The following HPF1 variants were observed in gnomAD, a reference collection of about 807,000 sequenced individuals.
HPF1 encodes the protein histone PARylation factor 1.
In HPF1, 35 loss-of-function variants were observed where a neutral mutation model predicts 38.8. The ratio of observed to expected loss-of-function variants is 0.90; its 90% CI spans 0.69 to 1.19. The LOEUF is 1.19. HPF1 is among the 50% of genes most tolerant of loss of function. HPF1 has a pLI of 0.00. For synonymous variants in HPF1, 115 were observed against 139.2 expected, an observed-to-expected ratio of 0.83 and a Z score of 1.22; for missense variants, 367 against 405.8, an observed-to-expected ratio of 0.90 and a Z score of 0.82.
chr4:169,742,606 C>T (rs1394834620), intron 4 of HPF1, among the ~76,000 whole-genome samples: 1 of 152,162 alleles, frequency 6.6e-6, no homozygotes, highest in Non-Finnish European at 1.5e-5. Flanking sequence ...TCCTGGCTAA[C>T]AAGGTGAAAC....
chr4:169,748,600 T>C (rs1734078732), intron 4 of HPF1, 144 bp downstream of exon 4: 3 of 464,604 alleles, frequency 6.5e-6, no homozygotes, highest in Non-Finnish European at 7.8e-6. Context: ...CTCGAACCCC[T>C]GACCTAAGCG....
chr4:169,743,170 C>T (rs868771653), intron 4 of HPF1, among the ~76,000 whole-genome samples: 1 of 151,864 alleles, frequency 6.6e-6, no homozygotes, highest in East Asian at 1.9e-4. Flanking sequence ...AGTGCAGTGG[C>T]AGGGTCTCAG....
At chr4:169,749,173 T>G (rs984510171) in intron 3 of HPF1, among the ~76,000 whole-genome samples, 2 of 152,154 alleles carry the variant, frequency 1.3e-5, no homozygotes, top group Non-Finnish European at 2.9e-5. Flanking sequence ...ATCTGCACAT[T>G]TACATACTGC....
At chr4:169,731,398 T>TC (rs1234244336) in intron 7 of HPF1, among the ~76,000 whole-genome samples, 3 of 152,184 alleles carry the variant, frequency 2.0e-5, no homozygotes, top group African/African-American at 7.2e-5. Flanking sequence ...AGAAGGCATG[T>TC]CCCTATAATG....
chr4:169,741,963 ATC>A lies in HPF1; in HGVS notation c.640_641del (p.Asp214Ter), dbSNP rs770681800. On this transcript the variant is annotated frameshift_variant, in exon 5 of 8. Transcript: ENST00000393381. LOFTEE classifies it high-confidence loss of function. ...CAACAGGTTGAAATCATACTTTCTT[ATC>A]TCTCTGTTTCATCTTCACGGTTCTC... ...EQRTVKMKQR[D>X]KKVVTKTFHG... The A allele has an allele frequency of 1.9e-5, 31 of 1,611,518 alleles. No individual in the cohort carries two copies. In the African/African-American group the frequency reaches 3.9e-4, roughly 20 times the overall value.
At chr4:169,741,788 GTTTCAGTGCCATCCTC>G (rs949990215) in intron 5 of HPF1, among the ~76,000 whole-genome samples, 153 bp downstream of exon 5, 7 of 152,136 alleles carry the variant, frequency 4.6e-5, no homozygotes, top group Admixed American at 6.5e-5. Flanking sequence ...TCTGACCCCT[GTTTCAGTGCCATCCTC>G]TTTCAGTGCC....
intron 5 of HPF1, among the ~76,000 whole-genome samples, chr4:169,738,865 C>A (rs192643938): frequency 1.2e-3 from 182 of 152,246 alleles, no homozygotes; most frequent in African/African-American, 3.4e-3. Flanking sequence ...TGGAACCCAT[C>A]ATTCTCAGCA....
chr4:169,753,535 G>A lies in HPF1; in HGVS notation c.208+141C>T, dbSNP rs951247080. ...TTTTTTGTGGAGGTCTCACTATGTTGACCAGGTTGGTCTCAAACTCCTGGC... is the reference window on the plus strand; with the variant it reads ...TTTTTTGTGGAGGTCTCACTATGTTAACCAGGTTGGTCTCAAACTCCTGGC... On this transcript the variant is annotated intron_variant, in intron 2 of 7. Coordinates refer to ENST00000393381, the MANE Select transcript of HPF1 (RefSeq NM_017867.3). The A allele has an allele frequency of 7.6e-5, 52 of 682,472 alleles. No individual in the cohort carries two copies. In the South Asian group the frequency reaches 9.3e-4, roughly 12 times the overall value. The allele number at this position is 682,472 out of a possible 1,614,324, so 42.3% of individuals were successfully genotyped here. A position where few individuals can be genotyped will look rare whatever the true frequency, so the allele number is the denominator to read the frequency against.
chr4:169,732,439 A>G (rs554616182), intron 6 of HPF1, among the ~76,000 whole-genome samples: 1 of 152,266 alleles, frequency 6.6e-6, no homozygotes, highest in Non-Finnish European at 1.5e-5. Context: ...GGGCCCAGAT[A>G]CAGTCATGAT....
At chr4:169,736,536 C>T (rs1442158705) in intron 6 of HPF1, among the ~76,000 whole-genome samples, 1 of 152,078 alleles carries the variant, frequency 6.6e-6, no homozygotes, top group Non-Finnish European at 1.5e-5. Context: ...GAGTAGCTGC[C>T]ATCTAAGACA....
chr4:169,754,006 A>G (rs1734151822), intron 1 of HPF1, among the ~76,000 whole-genome samples, 171 bp from the exon 2 acceptor site: 1 of 152,238 alleles, frequency 6.6e-6, no homozygotes, highest in Non-Finnish European at 1.5e-5. Flanking sequence ...AGGAAAAAAG[A>G]GTAGTTTATA....
intron 4 of HPF1, among the ~76,000 whole-genome samples, chr4:169,748,439 C>A (rs537493034): frequency 2.0e-5 from 3 of 151,836 alleles, no homozygotes; most frequent in Admixed American, 2.0e-4. Flanking sequence ...GGCGCAATCT[C>A]GGCTCACTGC....
chr4:169,733,910 A>AC (rs1051554598), intron 6 of HPF1, among the ~76,000 whole-genome samples: 1 of 151,914 alleles, frequency 6.6e-6, no homozygotes, highest in African/African-American at 2.4e-5. Context: ...AAAAAAAAAA[A>AC]AAATTACCAA....
intron 1 of HPF1, among the ~76,000 whole-genome samples, chr4:169,754,530 G>C (rs1056769276): frequency 1.3e-5 from 2 of 151,936 alleles, no homozygotes; most frequent in African/African-American, 4.8e-5. Context: ...AGTATACTAG[G>C]TTTTATAATG....
chr4:169,753,534 T>C, intron 2 of HPF1, 142 bp downstream of exon 2: 1 of 681,540 alleles, frequency 1.5e-6, no homozygotes, highest in Non-Finnish European at 2.5e-6. Context: ...CTCACTATGT[T>C]GACCAGGTTG....
At chr4:169,751,402 CAAAAAAAAAA>C (rs55661737) in intron 2 of HPF1, among the ~76,000 whole-genome samples, 1 of 71,156 alleles carries the variant, frequency 1.4e-5, no homozygotes, top group African/African-American at 4.3e-5. Flanking sequence ...GGCTCTGTCT[CAAAAAAAAAA>C]AAAAAAAAAA....
At chr4:169,750,151 G>C (rs1316979098) in intron 3 of HPF1, among the ~76,000 whole-genome samples, 2 of 152,182 alleles carry the variant, frequency 1.3e-5, no homozygotes, top group African/African-American at 4.8e-5. Flanking sequence ...GAAAGTCACA[G>C]TCAGTAATGA....
intron 2 of HPF1, among the ~76,000 whole-genome samples, chr4:169,753,466 T>C (rs1439472560): frequency 6.6e-6 from 1 of 152,210 alleles, no homozygotes; most frequent in Non-Finnish European, 1.5e-5. Flanking sequence ...GCTAGGACTA[T>C]AGGCACATGC....
intron 6 of HPF1, among the ~76,000 whole-genome samples, chr4:169,734,476 G>A (rs868479424): frequency 4.0e-4 from 61 of 152,222 alleles, no homozygotes; most frequent in Middle Eastern, 3.4e-3. Flanking sequence ...CAACTTATGC[G>A]AATTACTAAG....
Sources: allele counts gnomAD v4.1 joint callset (sites outside exome capture counted in the v4.1 genomes callset), GRCh38; gene constraint gnomAD v4.1.1; transcripts MANE v1.5; gene names NCBI Gene and HGNC (gene_info 2026-07-23, HGNC 2026-07-21).